SHISA9: variants seen among roughly 807,000 people sequenced by gnomAD.
SHISA9 encodes the protein shisa family member 9.
In SHISA9, 13 loss-of-function variants were observed where a neutral mutation model predicts 38.0. The observed-to-expected ratio is 0.34, with a 90% CI of 0.22 to 0.54. The LOEUF (loss-of-function observed/expected upper bound fraction) is 0.54, where lower values mean the gene tolerates loss of function less well. Ranked by LOEUF, SHISA9 falls within the 20% of genes least tolerant of loss-of-function variation. The probability of loss-of-function intolerance (pLI) is 0.91; values close to 1 mark genes in which losing one functional copy is unlikely to be tolerated. For synonymous variants in SHISA9, 275 were observed against 242.0 expected, an observed-to-expected ratio of 1.14 and a Z score of -1.27; for missense variants, 538 against 575.8, an observed-to-expected ratio of 0.93 and a Z score of 0.67.
chr16:13,052,029 C>G (rs61328890), intron 2 of SHISA9, among the ~76,000 whole-genome samples: 5 of 152,116 alleles, frequency 3.3e-5, no homozygotes, highest in African/African-American at 1.2e-4. Context: ...TCCCAAAGTA[C>G]TGGGATTATA....
intron 2 of SHISA9, among the ~76,000 whole-genome samples, chr16:13,071,618 C>T (rs1724566343): frequency 7.2e-6 from 1 of 138,496 alleles, no homozygotes; most frequent in South Asian, 2.3e-4. Context: ...TCCCTTCCTT[C>T]CCTCCCTCCC....
At chr16:13,130,952 G>T (rs576256079) in intron 2 of SHISA9, among the ~76,000 whole-genome samples, 1 of 152,296 alleles carries the variant, frequency 6.6e-6, no homozygotes, top group African/African-American at 2.4e-5. Flanking sequence ...TTATTAAAAA[G>T]TCAAGAAACA....
intron 1 of SHISA9, among the ~76,000 whole-genome samples, chr16:12,915,433 A>G (rs1418129715): frequency 6.6e-6 from 1 of 152,244 alleles, no homozygotes; most frequent in Non-Finnish European, 1.5e-5. Context: ...TGACAGAGCA[A>G]GACCCTATCT....
At chr16:13,269,204 T>A in the SHISA9 span, among the ~76,000 whole-genome samples, 1 of 152,214 alleles carries the variant, frequency 6.6e-6, no homozygotes, top group Non-Finnish European at 1.5e-5. Flanking sequence ...AGGGCTTTTG[T>A]GGCACCTATG....
chr16:13,293,089 GACAA>G, the SHISA9 span, among the ~76,000 whole-genome samples: 2 of 152,202 alleles, frequency 1.3e-5, no homozygotes, highest in East Asian at 1.9e-4. Flanking sequence ...CAATCAATGA[GACAA>G]ACAGATTCTA....
intron 2 of SHISA9, among the ~76,000 whole-genome samples, chr16:13,030,542 G>GTC (rs929973040): frequency 2.0e-5 from 3 of 152,110 alleles, no homozygotes; most frequent in African/African-American, 4.8e-5. Context: ...CCAAGAACCT[G>GTC]TCTGTACTCA....
the SHISA9 span, among the ~76,000 whole-genome samples, chr16:13,356,687 C>T: frequency 6.6e-6 from 1 of 152,002 alleles, no homozygotes; most frequent in African/African-American, 2.4e-5. Flanking sequence ...CTCAGCGACG[C>T]TTGGGGTTGG....
At chr16:13,087,489 T>C (rs2073726355) in intron 2 of SHISA9, among the ~76,000 whole-genome samples, 2 of 152,172 alleles carry the variant, frequency 1.3e-5, no homozygotes, top group Non-Finnish European at 2.9e-5. Flanking sequence ...CAGCATCTGT[T>C]GTTTCCTGAC....
chr16:13,538,525 A>T, the SHISA9 span, among the ~76,000 whole-genome samples: 1 of 152,158 alleles, frequency 6.6e-6, no homozygotes, highest in Non-Finnish European at 1.5e-5. Flanking sequence ...TAAACTTTCA[A>T]CTAAGTTCAT....
intron 2 of SHISA9, among the ~76,000 whole-genome samples, chr16:13,092,973 A>G (rs2073790603): frequency 6.6e-6 from 1 of 152,232 alleles, no homozygotes; most frequent in South Asian, 2.1e-4. Flanking sequence ...ATTGAGAATC[A>G]GACTTTTAAA....
the SHISA9 span, among the ~76,000 whole-genome samples, chr16:13,337,603 G>A: frequency 3.3e-5 from 5 of 152,166 alleles, no homozygotes; most frequent in African/African-American, 1.2e-4. Context: ...ATATTCATGT[G>A]TAATATTCTG....
chr16:13,312,408 C>G, the SHISA9 span, among the ~76,000 whole-genome samples: 3 of 152,272 alleles, frequency 2.0e-5, no homozygotes, highest in East Asian at 3.9e-4. Flanking sequence ...TCCTGTCCCC[C>G]CCTCAGTCAT....
intron 2 of SHISA9, among the ~76,000 whole-genome samples, chr16:13,066,308 A>T (rs1431307312): frequency 6.6e-6 from 1 of 152,232 alleles, no homozygotes; most frequent in Non-Finnish European, 1.5e-5. Flanking sequence ...TTACTGCAGC[A>T]TAACCTAATG....
At chr16:13,536,146 G>A in the SHISA9 span, among the ~76,000 whole-genome samples, 1 of 151,894 alleles carries the variant, frequency 6.6e-6, no homozygotes, top group South Asian at 2.1e-4. Flanking sequence ...CTACAGGCAC[G>A]TGCCACCACC....
At chr16:13,216,243 G>T (rs2051167944) in intron 4 of SHISA9, among the ~76,000 whole-genome samples, 1 of 150,108 alleles carries the variant, frequency 6.7e-6, no homozygotes, top group Admixed American at 6.6e-5. Context: ...CTTAGACTCA[G>T]GCATATATGG....
chr16:12,910,755 C>T (rs1215818785), intron 1 of SHISA9: 1 of 977,526 alleles, frequency 1.0e-6, no homozygotes, highest in East Asian at 1.1e-4. Context: ...TCTAGAGAAA[C>T]AGAACAAATA....
chr16:13,002,453 A>G (rs1441724295), intron 2 of SHISA9, among the ~76,000 whole-genome samples: 1 of 151,552 alleles, frequency 6.6e-6, no homozygotes, highest in South Asian at 2.1e-4. Context: ...CCAGTTATTT[A>G]TTTAATTAAT....
intron 2 of SHISA9, among the ~76,000 whole-genome samples, chr16:12,943,864 T>C (rs931914528): frequency 6.6e-6 from 1 of 152,246 alleles, no homozygotes; most frequent in Admixed American, 6.5e-5. Flanking sequence ...GGTTCACATC[T>C]TGAAATTCTT....
In SHISA9 at chr16:13,077,929, A is replaced by G. The variant is rs1005719054; in HGVS notation, c.692-125465A>G. On this transcript the variant is annotated intron_variant, in intron 2 of 4. Transcript: ENST00000558583. ...ATGAGGACATACAGCAAGTTATACT[A>G]TAATGATGAAAAAAATATGGCAAAC... Among the ~76,000 whole-genome samples, 5 of 152,208 alleles carry G rather than the reference A, an allele frequency of 3.3e-5. No individual in the cohort carries two copies. In the South Asian group the frequency reaches 1.0e-3, roughly 31 times the overall value.
Sources: allele counts gnomAD v4.1 joint callset (sites outside exome capture counted in the v4.1 genomes callset), GRCh38; gene constraint gnomAD v4.1.1; transcripts MANE v1.5; gene names NCBI Gene and HGNC (gene_info 2026-07-23, HGNC 2026-07-21).